The following SP3 variants were observed in gnomAD, a reference collection of about 807,000 sequenced individuals.
The protein encoded by SP3 is transcription factor Sp3.
In SP3, 10 loss-of-function variants were observed where a neutral mutation model predicts 70.3. That is an observed-to-expected ratio of 0.14 (90% CI 0.09 to 0.24). The LOEUF (loss-of-function observed/expected upper bound fraction) is 0.24, where lower values mean the gene tolerates loss of function less well. SP3 is among the 10% of genes least tolerant of loss of function. The pLI is 1.00. For synonymous variants in SP3, 402 were observed against 333.5 expected, an observed-to-expected ratio of 1.21 and a Z score of -2.24; for missense variants, 825 against 914.6, an observed-to-expected ratio of 0.90 and a Z score of 1.26.
Position 173,910,221 on chromosome 2 carries a change from C to T in SP3, c.2066G>A (p.Arg689His). 6.2e-7 allele frequency: 1 copy of T among 1,613,840 alleles called. No homozygotes were observed. Among genetic ancestry groups the T allele is most frequent in the Non-Finnish European group, 8.5e-7 (1 of 1,179,872 alleles). Reference sequence around the variant, plus strand: ...GGCAAGGTGGTCACTTCTCATAAAGCGTTTTGAACATTCTGGACAAACAAA... The same window carrying T: ...GGCAAGGTGGTCACTTCTCATAAAGTGTTTTGAACATTCTGGACAAACAAA... ...KKFVCPECSK[R>H]FMRSDHLAKH... The change falls in exon 7 of 7, where the codon CGC (arginine) becomes CAC (histidine). Residue 689 changes from arginine to histidine, a missense_variant. By Grantham distance (29) the Arg-to-His change is conservative (BLOSUM62 0). Transcript: ENST00000310015.
At chr2:173,954,341 G>A (rs2105497452) in intron 4 of SP3, among the ~76,000 whole-genome samples, 1 of 152,222 alleles carries the variant, frequency 6.6e-6, no homozygotes, top group South Asian at 2.1e-4. Flanking sequence ...TGGTCTGGAA[G>A]GTCACCTAGA....
intron 3 of SP3, among the ~76,000 whole-genome samples, chr2:173,957,698 G>A (rs2105501707): frequency 1.3e-5 from 2 of 152,170 alleles, no homozygotes; most frequent in East Asian, 1.9e-4. Context: ...AGGTTTATAA[G>A]CAAGTGAGTG....
Position 173,955,088 on chromosome 2 carries a change from T to G in SP3, c.1424A>C (p.Gln475Pro). The change falls in exon 4 of 7, where the codon CAG becomes CCG. Residue 475 changes from glutamine (Q) to proline (P), a missense_variant. Physicochemically the swap from Gln to Pro is moderately conservative, Grantham distance 76. This residue lies in a region of SP3 where 678 missense variants were observed against 651.6 expected (regional missense o/e 1.04). Coordinates refer to ENST00000310015, the MANE Select transcript of SP3 (RefSeq NM_003111.5). ...TFQVQGVQNL[Q>P]NLQIQNTAAQ... ...AGCAGTATTCTGTATTTGCAAATTC[T>G]GCAAGTTCTGGACCCCTTGTACTTG... is the stretch of plus-strand genomic sequence containing the variant. The G allele has an allele frequency of 6.2e-7, 1 of 1,614,254 alleles. No individual in the cohort carries two copies. Among genetic ancestry groups the G allele is most frequent in the Non-Finnish European group, 8.5e-7 (1 of 1,180,042 alleles).
rs1416584942 is a variant in SP3, at chr2:173,903,704, C to T, written c.*6237G>A. Among the ~76,000 whole-genome samples, 12 of 152,120 alleles carry T rather than the reference C, an allele frequency of 7.9e-5. No homozygotes were observed. Among genetic ancestry groups the T allele is most frequent in the Admixed American group, 7.9e-4 (12 of 15,280 alleles). Reference sequence around the variant, plus strand: ...TAATGCTGGCAGAAAGTCAGTATTCCACAAGACCAACCACAGATAAAGATA... The same window carrying T: ...TAATGCTGGCAGAAAGTCAGTATTCTACAAGACCAACCACAGATAAAGATA... On this transcript the variant is annotated 3_prime_UTR_variant, in exon 7 of 7. Transcript: ENST00000310015.
chr2:173,918,528 G>A, intron 5 of SP3, 65 bp downstream of exon 5: 1 of 1,447,358 alleles, frequency 6.9e-7, no homozygotes, highest in Non-Finnish European at 9.4e-7. Context: ...ATAGCATGCA[G>A]TATTTCAAAA....
chr2:173,914,370 A>T (rs190825235), intron 5 of SP3: 2 of 152,162 alleles, frequency 1.3e-5, no homozygotes, highest in Admixed American at 6.5e-5. Flanking sequence ...TATAGCCTGT[A>T]AATCCTCCTG....
intron 4 of SP3, among the ~76,000 whole-genome samples, chr2:173,930,093 C>A (rs1488066255): frequency 2.6e-5 from 4 of 152,168 alleles, no homozygotes; most frequent in Non-Finnish European, 4.4e-5. Flanking sequence ...CCTTTAGTCT[C>A]TTTTCCCTAA....
chr2:173,955,940 G>A lies in SP3; in HGVS notation c.572C>T (p.Ser191Phe), dbSNP rs1574424882. 3 of 1,614,208 alleles carry A rather than the reference G, an allele frequency of 1.9e-6. No individual in the cohort carries two copies. The highest frequency in any genetic ancestry group is 1.7e-6 in the Non-Finnish European group (2 of 1,180,034). ...TTGATTTATACCCCCATTATCTGAA[G>A]AGCCTGTGAAACCAATTTGAACCTG... ...GQQVQIGFTGSSDNGGINQES... is the reference protein window; with the variant it reads ...GQQVQIGFTGFSDNGGINQES... Residue 191 changes from serine (S) to phenylalanine (F), a missense_variant, in exon 4 of 7, where the codon TCT becomes TTT. Ser to Phe is a radical substitution (Grantham distance 155, BLOSUM62 -2). Coordinates refer to ENST00000310015, the MANE Select transcript of SP3 (RefSeq NM_003111.5).
intron 4 of SP3, among the ~76,000 whole-genome samples, chr2:173,951,999 TGA>T (rs1425481883): frequency 2.6e-5 from 4 of 152,180 alleles, no homozygotes; most frequent in Non-Finnish European, 5.9e-5. Flanking sequence ...ATAATAGATT[TGA>T]GTTTTCTAAA....
rs1689248507 is a variant in SP3 at position 173,904,122 on chromosome 2, T to C, written c.*5819A>G. On this transcript the variant is annotated 3_prime_UTR_variant, in exon 7 of 7. Transcript: ENST00000310015. ...GTTCACAACGGGGTTCGCACTCCTATGAGAATCTAATGTTGTGGCTCATCT... is the reference window on the plus strand; with the variant it reads ...GTTCACAACGGGGTTCGCACTCCTACGAGAATCTAATGTTGTGGCTCATCT... 6.6e-6 allele frequency among the ~76,000 whole-genome samples: 1 copy of C among 152,108 alleles called. No homozygotes were observed. The highest frequency in any genetic ancestry group is 2.4e-5 in the African/African-American group (1 of 41,420).
At chr2:173,944,925 T>C (rs1466063051) in intron 4 of SP3, among the ~76,000 whole-genome samples, 2 of 152,346 alleles carry the variant, frequency 1.3e-5, no homozygotes, top group South Asian at 4.1e-4. Context: ...GAGACCAGCC[T>C]GGCCAACATG....
At chr2:173,928,277 G>C (rs890711846) in intron 4 of SP3, among the ~76,000 whole-genome samples, 5 of 152,206 alleles carry the variant, frequency 3.3e-5, no homozygotes, top group African/African-American at 1.2e-4. Flanking sequence ...ATTTCAAACT[G>C]TTAAGTGTCA....
Position 173,956,250 on chromosome 2 carries a change from A to G in SP3, c.280-18T>C. 1.9e-6 allele frequency: 3 copies of G among 1,557,406 alleles called. No homozygotes were observed. The highest frequency in any genetic ancestry group is 2.6e-6 in the Non-Finnish European group (3 of 1,155,032). On this transcript the variant is annotated intron_variant, in intron 3 of 6. Transcript: ENST00000310015. ...TCACCTGTCTGGATGAAGAAAACAA[A>G]AAGGTGATATATTTGTGGTATATTT...
At chr2:173,952,246 G>T (rs550289904) in intron 4 of SP3, among the ~76,000 whole-genome samples, 1 of 151,964 alleles carries the variant, frequency 6.6e-6, no homozygotes, top group East Asian at 1.9e-4. Context: ...ATAACTGAGG[G>T]AAAAAAGTGG....
Position 173,918,613 on chromosome 2 carries a change from G to A in SP3, c.1812C>T (p.Asn604=). The part of the protein sequence containing the change: ...RLRRVACTCP[N]CKEGGGRGTN... ...CATACCTTCCACCACCTTCTTTACA[G>A]TTGGGACAGGTGCAAGCTACCCTCC... The change falls in exon 5 of 7, where the codon AAC becomes AAT. Residue 604 remains asparagine (N), a synonymous_variant. Transcript: ENST00000310015. 1 of 1,613,360 alleles carries A rather than the reference G, an allele frequency of 6.2e-7. No homozygotes were observed.
chr2:173,954,762 T>G, intron 4 of SP3, 111 bp downstream of exon 4: 1 of 909,186 alleles, frequency 1.1e-6, no homozygotes, highest in Non-Finnish European at 1.7e-6. Flanking sequence ...ATACAAACAT[T>G]GATCATTAAT....
At chr2:173,914,205 ATAAAT>A (rs1251131506) in intron 5 of SP3, 1 of 152,160 alleles carries the variant, frequency 6.6e-6, no homozygotes. Context: ...CTGAATAAAA[ATAAAT>A]TAGTTTTTAA....
intron 4 of SP3, among the ~76,000 whole-genome samples, chr2:173,938,988 G>A (rs182998657): frequency 2.4e-4 from 37 of 152,138 alleles, no homozygotes; most frequent in South Asian, 6.2e-4. Flanking sequence ...GCATCTAGTG[G>A]GTAAGTCAGG....
At position 173,965,353 on chromosome 2, in the gene SP3, A is replaced by C; in HGVS notation, c.-182T>G. ...ACACAAAAGGTGGAGCCTCCAGCCCAAAAGGGGGGAAGAGGGTGACAGCCC... is the reference window on the plus strand; with the variant it reads ...ACACAAAAGGTGGAGCCTCCAGCCCCAAAGGGGGGAAGAGGGTGACAGCCC... On this transcript the variant is annotated 5_prime_UTR_variant, in exon 1 of 7. Coordinates refer to ENST00000310015, the MANE Select transcript of SP3 (RefSeq NM_003111.5). 3.0e-6 allele frequency: 2 copies of C among 666,836 alleles called. No homozygotes were observed. The highest frequency in any genetic ancestry group is 5.1e-6 in the Non-Finnish European group (2 of 394,822). 41.3% of individuals were successfully genotyped at this position (666,836 alleles called of 1,614,324 possible). A position where few individuals can be genotyped will look rare whatever the true frequency, so the allele number is the denominator to read the frequency against.
Sources: gnomAD v4.1 joint callset for allele counts (sites outside exome capture counted in the v4.1 genomes callset) on GRCh38, gnomAD v4.1.1 for gene constraint, gnomAD v4.1.1 regional missense constraint, MANE v1.5 for transcripts, NCBI Gene and HGNC (gene_info 2026-07-23, HGNC 2026-07-21) for gene names.